The following CCNT1 variants were observed in gnomAD, a reference collection of about 807,000 sequenced individuals.
CCNT1 encodes cyclin T1.
A neutral mutation model predicts 67.3 loss-of-function variants in CCNT1; 18 were observed. That is an observed-to-expected ratio of 0.27 (90% CI 0.18 to 0.40). The LOEUF (loss-of-function observed/expected upper bound fraction) is 0.40. CCNT1 is among the 10% of genes least tolerant of loss of function. The pLI is 1.00. For missense variants in CCNT1, 744 were observed against 884.9 expected (o/e 0.84, Z 2.02); for synonymous variants, 333 against 310.3 (o/e 1.07, Z -0.77).
intron 2 of CCNT1, among the ~76,000 whole-genome samples, chr12:48,708,000 A>T (rs1465226657): frequency 1.3e-5 from 2 of 152,112 alleles, no homozygotes; most frequent in African/African-American, 4.8e-5. Flanking sequence ...CCCAGAAGGC[A>T]GGGGTTGAAG....
rs2137220708 is a variant in CCNT1 at position 48,692,843 on chromosome 12, T to C, written c.*190A>G. ...AATACCAGTAAAAACTGTAAGAAAA[T>C]AGTTAAATGCATGAGACAGCAGATA... On this transcript the variant is annotated 3_prime_UTR_variant, in exon 9 of 9. Transcript: ENST00000261900. 1 of 534,124 alleles carries C rather than the reference T, an allele frequency of 1.9e-6. No homozygotes were observed. The highest frequency in any genetic ancestry group is 3.3e-6 in the Non-Finnish European group (1 of 301,162). The allele number at this position is 534,124 out of a possible 1,614,324, so 33.1% of individuals were successfully genotyped here. A position where few individuals can be genotyped will look rare whatever the true frequency, so the allele number is the denominator to read the frequency against.
intron 2 of CCNT1, among the ~76,000 whole-genome samples, chr12:48,711,815 C>G (rs186341368): frequency 6.6e-6 from 1 of 152,060 alleles, no homozygotes; most frequent in Non-Finnish European, 1.5e-5. Context: ...TGTTTTGAGA[C>G]GGAGTCTCAT....
chr12:48,715,530 G>A (rs1003313492), intron 1 of CCNT1, among the ~76,000 whole-genome samples: 1 of 151,590 alleles, frequency 6.6e-6, no homozygotes, highest in East Asian at 1.9e-4. Flanking sequence ...GCGCCATCTC[G>A]GCTAACTGCA....
At position 48,694,155 on chromosome 12, in the gene CCNT1, C is replaced by G; in HGVS notation, c.1059G>C (p.Glu353Asp). 4 of 1,614,210 alleles carry G rather than the reference C, an allele frequency of 2.5e-6. No homozygotes were observed. Among genetic ancestry groups the G allele is most frequent in the Non-Finnish European group, 3.4e-6 (4 of 1,180,046 alleles). ...GATCAACTCCTGTAAGTGCTAAATT[C>G]TCACTAGTCCGATGACCCTGAGTAG... ...LEPTQGHRTS[E>D]NLALTGVDHS... Residue 353 changes from glutamate to aspartate, a missense_variant, in exon 9 of 9, where the codon GAG (glutamate) becomes GAC (aspartate). By Grantham distance (45) the Glu-to-Asp change is conservative. Coordinates refer to ENST00000261900, the MANE Select transcript of CCNT1 (RefSeq NM_001240.4).
In CCNT1 at chr12:48,692,585, A is replaced by T. The variant is rs1299993091; in HGVS notation, c.*448T>A. 1.3e-5 allele frequency: 2 copies of T among 156,990 alleles called. No homozygotes were observed. The highest frequency in any genetic ancestry group is 6.1e-5 in the Admixed American group (1 of 16,382). 9.7% of individuals were successfully genotyped at this position (156,990 alleles called of 1,614,324 possible). On this transcript the variant is annotated 3_prime_UTR_variant, in exon 9 of 9. Coordinates refer to ENST00000261900, the MANE Select transcript of CCNT1 (RefSeq NM_001240.4). ...ATTATATAAAAAAACTAAACAGATA[A>T]CTTACTTTCTTTAAATTATTAAGTC...
Position 48,689,970 on chromosome 12 carries a change from A to G in CCNT1, c.*3063T>C, listed in dbSNP as rs1940047056. On this transcript the variant is annotated 3_prime_UTR_variant, in exon 9 of 9. Coordinates refer to ENST00000261900, the MANE Select transcript of CCNT1 (RefSeq NM_001240.4). ...ACTATGTAGTATACACTAAATCAAA[A>G]CACTAAAATCATTTTTAAAAAGGAA... The G allele has an allele frequency of 6.6e-6, 1 of 152,232 alleles. No homozygotes were observed. Among genetic ancestry groups the G allele is most frequent in the African/African-American group, 2.4e-5 (1 of 41,458 alleles). 9.4% of individuals were successfully genotyped at this position (152,232 alleles called of 1,614,324 possible).
Position 48,693,477 on chromosome 12 carries a change from C to A in CCNT1, c.1737G>T (p.Glu579Asp). The stretch of plus-strand genomic sequence containing the variant: ...GATGATCAAACACAGCCCCTCCAGT[C>A]TCTTCAGAGGGTCCCCTTTTACGAG... The part of the protein sequence containing the change: ...SSTRKRGPSE[E>D]TGGAVFDHPA... Residue 579 changes from glutamate to aspartate, a missense_variant, in exon 9 of 9, where the codon GAG becomes GAT. Around this residue, in one of 3 missense-constraint regions of CCNT1, gnomAD observed 564 missense variants for 574.2 expected, o/e 0.98. Transcript: ENST00000261900. The A allele has an allele frequency of 6.2e-7, 1 of 1,614,188 alleles. No homozygotes were observed. Among genetic ancestry groups the A allele is most frequent in the South Asian group, 1.1e-5 (1 of 91,068 alleles).
rs756010216 is a variant in CCNT1, at chr12:48,693,565, T to G, written c.1649A>C (p.Gln550Pro). 11 of 1,614,012 alleles carry G rather than the reference T, an allele frequency of 6.8e-6. No homozygotes were observed. In the South Asian group the frequency reaches 1.2e-4, roughly 18 times the overall value. The change falls in exon 9 of 9, where the codon CAG (glutamine) becomes CCG (proline). Residue 550 changes from glutamine to proline, a missense_variant. By Grantham distance (76) the Gln-to-Pro change is moderately conservative. Transcript: ENST00000261900. ...KRPGDPKHSSQTSNLAHKTYS... is the reference protein window; with the variant it reads ...KRPGDPKHSSPTSNLAHKTYS... ...GGTTTTATGTGCTAAGTTGCTTGTC[T>G]GGCTACTATGTTTTGGATCACCAGG...
Position 48,705,802 on chromosome 12 carries a change from T to G in CCNT1, c.338A>C (p.His113Pro). Residue 113 changes from histidine to proline, a missense_variant, in exon 3 of 9, where the codon CAT (histidine) becomes CCT (proline). Coordinates refer to ENST00000261900, the MANE Select transcript of CCNT1 (RefSeq NM_001240.4). ...AGTATCAGGAAGGGATTCCTGAGGA[T>G]GGAGACAAGTATGTGCTACCTTGAT... is the stretch of plus-strand genomic sequence containing the variant. ...HVIKVAHTCLHPQESLPDTRS... is the reference protein window; with the variant it reads ...HVIKVAHTCLPPQESLPDTRS... The G allele has an allele frequency of 6.2e-7, 1 of 1,613,082 alleles. No homozygotes were observed. The highest frequency in any genetic ancestry group is 8.5e-7 in the Non-Finnish European group (1 of 1,179,430).
chr12:48,707,569 C>G (rs1940381579), intron 2 of CCNT1, among the ~76,000 whole-genome samples: 1 of 150,812 alleles, frequency 6.6e-6, no homozygotes, highest in Non-Finnish European at 1.5e-5. Context: ...TGTGAGTCAC[C>G]TCACCCAGCC....
intron 2 of CCNT1, among the ~76,000 whole-genome samples, chr12:48,710,200 C>T (rs909482543): frequency 2.6e-5 from 4 of 151,850 alleles, no homozygotes; most frequent in Non-Finnish European, 4.4e-5. Context: ...CCTCTAATAC[C>T]TTTGTAATAA....
At chr12:48,711,351 G>A (rs1171237228) in intron 2 of CCNT1, among the ~76,000 whole-genome samples, 1 of 152,066 alleles carries the variant, frequency 6.6e-6, no homozygotes, top group Non-Finnish European at 1.5e-5. Context: ...TTGCACTCCA[G>A]CCTGGGTGAC....
At chr12:48,715,038 C>T (rs978276560) in intron 1 of CCNT1, among the ~76,000 whole-genome samples, 42 of 152,226 alleles carry the variant, frequency 2.8e-4, no homozygotes, top group Admixed American at 2.6e-4. Flanking sequence ...GTCTTGAACT[C>T]CTGGCCTCAA....
chr12:48,693,517 G>A lies in CCNT1; in HGVS notation c.1697C>T (p.Ser566Phe), dbSNP rs1164245033. ...CCTTTTACGAGTAGAACTGGAAGAG[G>A]AAAAAGAACTAGACAAGCTATAGGT... Reference protein sequence around the residue: ...HKTYSLSSSFSSSSSTRKRGP... With the variant: ...HKTYSLSSSFFSSSSTRKRGP... The change falls in exon 9 of 9, where the codon TCC (serine) becomes TTC (phenylalanine). Residue 566 changes from serine (S) to phenylalanine (F), a missense_variant. Around this residue, in one of 3 missense-constraint regions of CCNT1, gnomAD observed 564 missense variants for 574.2 expected, o/e 0.98. Coordinates refer to ENST00000261900, the MANE Select transcript of CCNT1 (RefSeq NM_001240.4). 6.2e-7 allele frequency: 1 copy of A among 1,614,042 alleles called. No homozygotes were observed.
At position 48,716,538 on chromosome 12, in the gene CCNT1, C is replaced by T; in HGVS notation, c.138G>A (p.Gln46=). The T allele has an allele frequency of 1.2e-6, 2 of 1,614,124 alleles. No individual in the cohort carries two copies. The highest frequency in any genetic ancestry group is 1.7e-6 in the Non-Finnish European group (2 of 1,179,950). ...SYRQQAANLL[Q]DMGQRLNVSQ... ...ACACGTTAAGACGCTGCCCCATGTC[C>T]TGAAGCAGATTGGCCGCCTGCTGGC... Residue 46 remains glutamine, a synonymous_variant, in exon 1 of 9, where the codon CAG becomes CAA. Coordinates refer to ENST00000261900, the MANE Select transcript of CCNT1 (RefSeq NM_001240.4).
At position 48,709,116 on chromosome 12, in the gene CCNT1, G is replaced by A. The variant is rs534332164; in HGVS notation, c.244-3220C>T. 2.6e-5 allele frequency among the ~76,000 whole-genome samples: 4 copies of A among 152,130 alleles called. No homozygotes were observed. The East Asian group carries it at 5.8e-4, about 22-fold the overall frequency. On this transcript the variant is annotated intron_variant, in intron 2 of 8. Transcript: ENST00000261900. ...GGGGACTATAACTAACTGAACAAAGGGGAAAAGGACAAGTCAAAGACTAAG... is the reference window on the plus strand; with the variant it reads ...GGGGACTATAACTAACTGAACAAAGAGGAAAAGGACAAGTCAAAGACTAAG...
intron 3 of CCNT1, among the ~76,000 whole-genome samples, chr12:48,701,641 CTT>C (rs1940271429): frequency 6.6e-6 from 1 of 150,686 alleles, no homozygotes; most frequent in East Asian, 2.0e-4. Flanking sequence ...GAGTTTCGCT[CTT>C]GTTGCCCAGG....
At chr12:48,698,751 A>G (rs1940220133) in intron 5 of CCNT1, among the ~76,000 whole-genome samples, 1 of 152,234 alleles carries the variant, frequency 6.6e-6, no homozygotes, top group Non-Finnish European at 1.5e-5. Flanking sequence ...TGAGGTCCAG[A>G]GTTCAAGACC....
At chr12:48,706,059 C>T (rs919137944) in intron 2 of CCNT1, among the ~76,000 whole-genome samples, 163 bp from the exon 3 acceptor site, 14 of 151,828 alleles carry the variant, frequency 9.2e-5, no homozygotes, top group African/African-American at 3.4e-4. Flanking sequence ...CTTCCCCTCT[C>T]CTACCCATTA....
Sources: gnomAD v4.1 joint callset for allele counts (sites outside exome capture counted in the v4.1 genomes callset) on GRCh38, gnomAD v4.1.1 for gene constraint, gnomAD v4.1.1 regional missense constraint, MANE v1.5 for transcripts, NCBI Gene and HGNC (gene_info 2026-07-23, HGNC 2026-07-21) for gene names.